Variants in CELF2 observed in about 807,000 individuals in gnomAD.
CELF2 encodes the protein CUGBP Elav-like family member 2.
Under a neutral mutation model 62.6 loss-of-function variants are expected in CELF2, and 8 were observed. The ratio of observed to expected loss-of-function variants is 0.13; its 90% CI spans 0.07 to 0.23. The LOEUF is 0.23. Among genes scored for constraint, CELF2 ranks in the 10% least tolerant of loss-of-function variants. The pLI is 1.00. For synonymous variants in CELF2, 258 were observed against 250.0 expected (o/e 1.03, Z -0.30); for missense variants, 333 against 671.0 (o/e 0.50, Z 5.56).
At chr10:10,712,250 C>T in the CELF2 span, among the ~76,000 whole-genome samples, 1 of 151,478 alleles carries the variant, frequency 6.6e-6, no homozygotes. Flanking sequence ...TAGATCACAC[C>T]CACGTCCATC....
upstream of CELF2, chr10:11,005,285 A>AGAGAGAGAGG (rs2055021687): frequency 8.2e-6 from 13 of 1,591,122 alleles, no homozygotes; most frequent in Middle Eastern, 1.7e-4. The surrounding 1 kb of genome is among the most constrained non-coding windows in gnomAD (Gnocchi z 4.3). Flanking sequence ...AGAGAGAGAG[A>AGAGAGAGAGG]GAGAGAGAGG....
At chr10:10,819,285 G>A (rs1364357267) in intron 1 of CELF2, among the ~76,000 whole-genome samples, 1 of 152,156 alleles carries the variant, frequency 6.6e-6, no homozygotes, top group East Asian at 1.9e-4. Flanking sequence ...GGGAATGTGA[G>A]ATACTGATGT....
rs972003403 is a variant in CELF2, at chr10:11,296,801, C to T, written c.976+8249C>T. On this transcript the variant is annotated intron_variant, in intron 9 of 12. Transcript: ENST00000633077. The surrounding 1 kb of genome is among the most constrained non-coding windows in gnomAD (Gnocchi z 5.0). ...AGGGAAATTTTAGTAGAAGAGTTGA[C>T]ATTTGAGCCAAAATGTTCAGGGTGG... Among the ~76,000 whole-genome samples the T allele has an allele frequency of 6.6e-6, 1 of 152,150 alleles. No individual in the cohort carries two copies. Among genetic ancestry groups the T allele is most frequent in the African/African-American group, 2.4e-5 (1 of 41,408 alleles).
the CELF2 span, among the ~76,000 whole-genome samples, chr10:10,673,137 A>T: frequency 6.6e-6 from 1 of 152,048 alleles, no homozygotes; most frequent in Non-Finnish European, 1.5e-5. Context: ...ACTTTATATA[A>T]CTTTACCATA....
At chr10:10,842,293 A>AT (rs1025019783) in intron 1 of CELF2, among the ~76,000 whole-genome samples, 7 of 151,626 alleles carry the variant, frequency 4.6e-5, no homozygotes, top group African/African-American at 1.5e-4. Context: ...TTTTTCTTGT[A>AT]TTTTTTTCTA....
chr10:10,917,156 A>G (rs2064419105), intron 1 of CELF2, among the ~76,000 whole-genome samples: 1 of 152,182 alleles, frequency 6.6e-6, no homozygotes, highest in Admixed American at 6.5e-5. Flanking sequence ...TTGGGGAACA[A>G]ACACAGTATA....
At chr10:10,534,652 C>A in the CELF2 span, among the ~76,000 whole-genome samples, 1 of 152,162 alleles carries the variant, frequency 6.6e-6, no homozygotes, top group Non-Finnish European at 1.5e-5. Flanking sequence ...TGTCTTCCCC[C>A]ACTTATGAGA....
the CELF2 span, among the ~76,000 whole-genome samples, chr10:10,753,004 A>G: frequency 0.011 from 1,732 of 152,248 alleles, 18 homozygotes; most frequent in Non-Finnish European, 0.016. Flanking sequence ...TTTCCAACTA[A>G]TGTGAGCCCT....
chr10:11,091,697 T>C (rs905991800), intron 1 of CELF2, among the ~76,000 whole-genome samples: 8 of 152,212 alleles, frequency 5.3e-5, no homozygotes, highest in South Asian at 2.1e-4. Flanking sequence ...GAACTCATTT[T>C]GTGAAATGAA....
chr10:11,008,657 G>A lies in CELF2; in HGVS notation c.53+3217G>A, dbSNP rs1216635723. Among the ~76,000 whole-genome samples the A allele has an allele frequency of 1.3e-5, 2 of 152,192 alleles. No individual in the cohort carries two copies. The highest frequency in any genetic ancestry group is 2.9e-5 in the Non-Finnish European group (2 of 68,030). ...TGAGCACAGCCATGGAAACACGCAG[G>A]TTCTTGGAAAGAAAGTAAAATGCAC... On this transcript the variant is annotated intron_variant, in intron 1 of 12. Coordinates refer to the CELF2 transcript ENST00000416382. This position sits in a 1 kb window ranked among gnomAD's most constrained non-coding sequence, Gnocchi z 4.5.
the CELF2 span, among the ~76,000 whole-genome samples, chr10:10,711,332 T>A: frequency 1.3e-5 from 2 of 152,248 alleles, no homozygotes; most frequent in Non-Finnish European, 2.9e-5. Context: ...ATTATAGAAT[T>A]AATATTTGTA....
chr10:10,666,775 T>C, the CELF2 span, among the ~76,000 whole-genome samples: 4 of 102,500 alleles, frequency 3.9e-5, 1 homozygote, highest in Admixed American at 4.5e-4. Flanking sequence ...GGCAGGAGAA[T>C]GGCGTGAACC....
intron 1 of CELF2, among the ~76,000 whole-genome samples, chr10:10,869,512 A>G (rs2060598693): frequency 1.3e-5 from 2 of 152,110 alleles, no homozygotes; most frequent in South Asian, 2.1e-4. Context: ...CAGTGAACCA[A>G]GATCACCACC....
chr10:11,074,361 T>G (rs987514593), intron 1 of CELF2, among the ~76,000 whole-genome samples: 2 of 152,212 alleles, frequency 1.3e-5, no homozygotes, highest in African/African-American at 2.4e-5. Context: ...AGATTGGAAG[T>G]TACTTAGTGA....
At chr10:10,693,566 G>A in the CELF2 span, among the ~76,000 whole-genome samples, 1 of 150,844 alleles carries the variant, frequency 6.6e-6, no homozygotes, top group African/African-American at 2.4e-5. Context: ...CTATTGATTG[G>A]AATAGTTTCA....
the CELF2 span, among the ~76,000 whole-genome samples, chr10:10,529,837 C>T: frequency 2.0e-5 from 3 of 152,074 alleles, no homozygotes; most frequent in African/African-American, 2.4e-5. Flanking sequence ...TGTTCTACCC[C>T]AGAATCCACA....
chr10:10,701,853 A>T, the CELF2 span, among the ~76,000 whole-genome samples: 10 of 152,322 alleles, frequency 6.6e-5, no homozygotes, highest in African/African-American at 2.2e-4. Context: ...CCGTAGTTAG[A>T]CGAATCCCTA....
the CELF2 span, among the ~76,000 whole-genome samples, chr10:10,714,282 C>T: frequency 4.6e-5 from 7 of 152,102 alleles, no homozygotes; most frequent in Admixed American, 1.3e-4. Flanking sequence ...ATTGCATGGT[C>T]GTTGCCAACA....
At chr10:10,483,948 TCATCTCTCTCTCTCC>T in the CELF2 span, among the ~76,000 whole-genome samples, 6 of 145,242 alleles carry the variant, frequency 4.1e-5, no homozygotes, top group African/African-American at 1.0e-4. Context: ...TCTCTCTCTC[TCATCTCTCTCTCTCC>T]CATCTCTCTC....
Sources: gnomAD v4.1 joint callset for allele counts (sites outside exome capture counted in the v4.1 genomes callset) on GRCh38, gnomAD v4.1.1 for gene constraint, Gnocchi (gnomAD v3.1) non-coding constraint, MANE v1.5 for transcripts, NCBI Gene and HGNC (gene_info 2026-07-23, HGNC 2026-07-21) for gene names.